Variants in TTLL11 observed in about 807,000 individuals in gnomAD.
TTLL11 encodes the protein tubulin polyglutamylase TTLL11.
Under a neutral mutation model 51.7 loss-of-function variants are expected in TTLL11, and 42 were observed. The observed-to-expected ratio is 0.81, with a 90% confidence interval of 0.64 to 1.05. The LOEUF (loss-of-function observed/expected upper bound fraction) is 1.05, where lower values mean the gene tolerates loss of function less well. Ranked by LOEUF, TTLL11 falls within the 50% of genes least tolerant of loss-of-function variation. TTLL11 has a pLI of 0.00. For missense variants in TTLL11, 799 were observed against 940.4 expected, an observed-to-expected ratio of 0.85 and a Z score of 1.97; for synonymous variants, 381 against 383.5, an observed-to-expected ratio of 0.99 and a Z score of 0.08.
At chr9:121,951,008 A>C (rs1246369750) in intron 6 of TTLL11, among the ~76,000 whole-genome samples, 1 of 152,188 alleles carries the variant, frequency 6.6e-6, no homozygotes, top group African/African-American at 2.4e-5. Context: ...CCCCTGCTCC[A>C]TCTTCTTTCT....
Position 121,989,480 on chromosome 9 carries a change from C to T in TTLL11, c.984G>A (p.Gln328=). 6.2e-7 allele frequency: 1 copy of T among 1,614,118 alleles called. No individual in the cohort carries two copies. Among genetic ancestry groups the T allele is most frequent in the Non-Finnish European group, 8.5e-7 (1 of 1,180,036 alleles). Reference sequence around the variant, plus strand: ...GGTGCAGGTTTTTGGGGGTGGGCTCCTGATATGGCTCGGTACAAAACCTAG... The same window carrying T: ...GGTGCAGGTTTTTGGGGGTGGGCTCTTGATATGGCTCGGTACAAAACCTAG... ...GLSRFCTEPY[Q]EPTPKNLHRI... The change falls in exon 4 of 9, where the codon CAG becomes CAA. Residue 328 remains glutamine, a synonymous_variant. Coordinates refer to ENST00000321582, the MANE Select transcript of TTLL11 (RefSeq NM_001139442.2). The surrounding 1 kb of genome is among the most constrained non-coding windows in gnomAD (Gnocchi z 4.2).
rs748824727 is a variant in TTLL11 at position 121,967,231 on chromosome 9, T to G, written c.1481+6778A>C. 4.4e-3 allele frequency among the ~76,000 whole-genome samples: 523 copies of G among 119,440 alleles called. 7 individuals are homozygous for G. The highest frequency in any genetic ancestry group is 7.3e-3 in the Non-Finnish European group (418 of 57,244). The allele number at this position is 119,440 out of a possible 152,430, so 78.4% of individuals were successfully genotyped here. A position where few individuals can be genotyped will look rare whatever the true frequency, so the allele number is the denominator to read the frequency against. Reference sequence around the variant, plus strand: ...GGAGATTTTTTTTTTTTTTTTTTTTTTTTTTTTTTTTTGAGAGGAGTCTTG... The same window carrying G: ...GGAGATTTTTTTTTTTTTTTTTTTTGTTTTTTTTTTTTGAGAGGAGTCTTG... On this transcript the variant is annotated intron_variant, in intron 6 of 8. Transcript: ENST00000321582.
chr9:121,896,394 C>T, intron 6 of TTLL11, among the ~76,000 whole-genome samples: 1 of 152,202 alleles, frequency 6.6e-6, no homozygotes, highest in East Asian at 1.9e-4. Context: ...CCTCTTAACA[C>T]TCCTGGAGGT....
chr9:122,019,058 T>C (rs1844087161), intron 3 of TTLL11, among the ~76,000 whole-genome samples: 2 of 152,182 alleles, frequency 1.3e-5, no homozygotes, highest in South Asian at 4.1e-4. Flanking sequence ...CCCAGCAGAC[T>C]CCTGAAAGCA....
chr9:121,825,122 G>A (rs2119106193), intron 8 of TTLL11, among the ~76,000 whole-genome samples: 1 of 152,322 alleles, frequency 6.6e-6, no homozygotes, highest in South Asian at 2.1e-4. Context: ...GGGAGTAGGA[G>A]CCTTGGTCTG....
At chr9:121,968,142 T>C (rs569770019) in intron 6 of TTLL11, among the ~76,000 whole-genome samples, 132 of 152,352 alleles carry the variant, frequency 8.7e-4, no homozygotes, top group African/African-American at 2.8e-3. Context: ...ATGTGAATTT[T>C]ACCTCCATTT....
intron 6 of TTLL11, among the ~76,000 whole-genome samples, chr9:121,917,747 C>T (rs932516751): frequency 2.6e-5 from 4 of 151,726 alleles, no homozygotes; most frequent in Non-Finnish European, 4.4e-5. Flanking sequence ...CACCCAGTGG[C>T]GCAAGCATAA....
At chr9:121,872,348 G>A (rs1319612094) in intron 6 of TTLL11, among the ~76,000 whole-genome samples, 1 of 152,188 alleles carries the variant, frequency 6.6e-6, no homozygotes, top group Non-Finnish European at 1.5e-5. Context: ...TGTCATGCCT[G>A]CACTGCACTG....
At chr9:122,021,251 C>G (rs59540132) in intron 3 of TTLL11, among the ~76,000 whole-genome samples, 2 of 151,564 alleles carry the variant, frequency 1.3e-5, no homozygotes, top group East Asian at 3.9e-4. Context: ...GCAGAGTGCC[C>G]CAGTAGGACC....
In TTLL11 at chr9:121,980,216, G is replaced by A. The variant is rs144762394; in HGVS notation, c.1270-5237C>T. Among the ~76,000 whole-genome samples, 248 of 152,054 alleles carry A rather than the reference G, an allele frequency of 1.6e-3. 1 individual carries two copies. The highest frequency in any genetic ancestry group is 5.4e-3 in the African/African-American group (224 of 41,464). On this transcript the variant is annotated intron_variant, in intron 4 of 8. Coordinates refer to ENST00000321582, the MANE Select transcript of TTLL11 (RefSeq NM_001139442.2). ...TTCATTTTTTTTCACAGCAAAATAAGTTTTTTATTGAAAAAGATAAATTCA... is the reference window on the plus strand; with the variant it reads ...TTCATTTTTTTTCACAGCAAAATAAATTTTTTATTGAAAAAGATAAATTCA...
chr9:121,836,012 CAA>C (rs1837169839), intron 8 of TTLL11, among the ~76,000 whole-genome samples: 1 of 152,174 alleles, frequency 6.6e-6, no homozygotes, highest in South Asian at 2.1e-4. Flanking sequence ...CCCAGAATGA[CAA>C]GAGGGATTAC....
intron 2 of TTLL11, among the ~76,000 whole-genome samples, chr9:122,034,757 T>C (rs1476459223): frequency 1.3e-5 from 2 of 152,180 alleles, no homozygotes; most frequent in Non-Finnish European, 2.9e-5. Flanking sequence ...AGGGCACGCG[T>C]TCCCAGAGTA....
intron 1 of TTLL11, among the ~76,000 whole-genome samples, chr9:122,065,923 C>G (rs1387538527): frequency 1.3e-5 from 2 of 152,192 alleles, no homozygotes; most frequent in African/African-American, 4.8e-5. Context: ...GAGACACTCA[C>G]AGGCACAAAG....
chr9:121,971,231 C>T lies in TTLL11; in HGVS notation c.1481+2778G>A, dbSNP rs1251644063. 1.6e-3 allele frequency among the ~76,000 whole-genome samples: 163 copies of T among 99,768 alleles called. 15 individuals are homozygous for T. Among genetic ancestry groups the T allele is most frequent in the African/African-American group, 5.8e-3 (155 of 26,918 alleles). The allele number at this position is 99,768 out of a possible 152,430, so 65.5% of individuals were successfully genotyped here. A position where few individuals can be genotyped will look rare whatever the true frequency, so the allele number is the denominator to read the frequency against. ...GAGGGAGGTGGGGGGGTCAGCCCCCCGCCCGGCCAGCCGCCCCGTCCGGGA... is the reference window on the plus strand; with the variant it reads ...GAGGGAGGTGGGGGGGTCAGCCCCCTGCCCGGCCAGCCGCCCCGTCCGGGA... On this transcript the variant is annotated intron_variant, in intron 6 of 8. Coordinates refer to ENST00000321582, the MANE Select transcript of TTLL11 (RefSeq NM_001139442.2).
At position 121,822,578 on chromosome 9, in the gene TTLL11, G is replaced by C; in HGVS notation, c.*9C>G. 2.1e-6 allele frequency: 3 copies of C among 1,437,758 alleles called. No homozygotes were observed. The highest frequency in any genetic ancestry group is 2.7e-6 in the Non-Finnish European group (3 of 1,092,606). The allele number at this position is 1,437,758 out of a possible 1,614,324, so 89.1% of individuals were successfully genotyped here. On this transcript the variant is annotated 3_prime_UTR_variant, in exon 9 of 9. Coordinates refer to ENST00000321582, the MANE Select transcript of TTLL11 (RefSeq NM_001139442.2). This position sits in a 1 kb window ranked among gnomAD's most constrained non-coding sequence, Gnocchi z 5.8. The stretch of plus-strand genomic sequence containing the variant: ...TCGTCTTCCGTTTTCCAGGAGGACA[G>C]AGTGGCCCTCAGGACAGGGTATGTC...
intron 8 of TTLL11, among the ~76,000 whole-genome samples, chr9:121,839,723 T>C (rs1837293308): frequency 6.6e-6 from 1 of 150,464 alleles, no homozygotes; most frequent in Non-Finnish European, 1.5e-5. Flanking sequence ...AGCAACCCTC[T>C]TCCCCATCCC....
At chr9:122,017,302 C>A (rs968369689) in intron 3 of TTLL11, among the ~76,000 whole-genome samples, 1 of 152,062 alleles carries the variant, frequency 6.6e-6, no homozygotes, top group South Asian at 2.1e-4. Flanking sequence ...CCGTCAAAAA[C>A]GTCAATGCAT....
At chr9:122,050,562 G>T (rs945434623) in intron 1 of TTLL11, among the ~76,000 whole-genome samples, 4 of 152,098 alleles carry the variant, frequency 2.6e-5, no homozygotes, top group Non-Finnish European at 4.4e-5. Flanking sequence ...CCTGTGGTCT[G>T]CAGCCTCCAA....
chr9:121,880,506 T>G (rs1346180754), intron 6 of TTLL11, among the ~76,000 whole-genome samples: 1 of 152,234 alleles, frequency 6.6e-6, no homozygotes, highest in Non-Finnish European at 1.5e-5. Context: ...ATCATCATCA[T>G]CAAGAAATTT....
Sources: allele counts gnomAD v4.1 joint callset (sites outside exome capture counted in the v4.1 genomes callset), GRCh38; gene constraint gnomAD v4.1.1; non-coding constraint Gnocchi (gnomAD v3.1); transcripts MANE v1.5; gene names NCBI Gene and HGNC (gene_info 2026-07-23, HGNC 2026-07-21).